Variants in WWOX observed in about 807,000 individuals in gnomAD.
WWOX encodes the protein WW domain-containing oxidoreductase.
WWOX carries 69 observed loss-of-function variants against 46.2 expected under a neutral mutation model. The observed-to-expected ratio is 1.49, with a 90% CI of 1.23 to 1.82. The LOEUF is 1.82. Ranked by LOEUF, WWOX falls within the 40% of genes most tolerant of loss-of-function variation. The pLI is 0.00. For missense variants in WWOX, 919 were observed against 542.6 expected (o/e 1.69, Z -6.89); for synonymous variants, 359 against 202.6 (o/e 1.77, Z -6.56).
intron 8 of WWOX, among the ~76,000 whole-genome samples, chr16:78,727,139 C>G (rs1488573625): frequency 1.3e-5 from 2 of 152,172 alleles, no homozygotes; most frequent in East Asian, 3.9e-4. Context: ...TGGCTCACAC[C>G]TATAATGCCA....
chr16:78,673,242 C>G (rs1437078270), intron 8 of WWOX, among the ~76,000 whole-genome samples: 1 of 152,118 alleles, frequency 6.6e-6, no homozygotes, highest in East Asian at 1.9e-4. Context: ...GTAATTTCTT[C>G]TTGGAAGTGA....
At chr16:78,751,461 T>TATATATATTTATCAGATTA (rs1555528822) in intron 8 of WWOX, among the ~76,000 whole-genome samples, 18 of 128,438 alleles carry the variant, frequency 1.4e-4, no homozygotes, top group African/African-American at 5.4e-4. Flanking sequence ...TTATCAGATT[T>TATATATATTTATCAGATTA]TATATATATA....
intron 8 of WWOX, among the ~76,000 whole-genome samples, chr16:78,519,955 A>G (rs1388490987): frequency 2.6e-5 from 4 of 152,246 alleles, no homozygotes; most frequent in Non-Finnish European, 5.9e-5. Flanking sequence ...TTCACCTAAT[A>G]AAACATGGAA....
chr16:79,028,715 C>A (rs895827869), intron 8 of WWOX, among the ~76,000 whole-genome samples: 7 of 151,962 alleles, frequency 4.6e-5, no homozygotes, highest in African/African-American at 1.7e-4. Context: ...AATAAATTTA[C>A]TCTCTAAACT....
chr16:79,027,982 C>T (rs145555431), intron 8 of WWOX, among the ~76,000 whole-genome samples: 3,873 of 151,734 alleles, frequency 0.026, 121 homozygotes, highest in South Asian at 0.053. Flanking sequence ...GACGGAGTGT[C>T]GCTCTGTCGC....
intron 5 of WWOX, among the ~76,000 whole-genome samples, chr16:78,357,643 T>G (rs529336866): frequency 6.6e-6 from 1 of 152,300 alleles, no homozygotes; most frequent in South Asian, 2.1e-4. Flanking sequence ...CTTTGTGGTG[T>G]TGGAGATAGG....
chr16:78,945,355 T>C (rs2045928928), intron 8 of WWOX, among the ~76,000 whole-genome samples: 1 of 152,194 alleles, frequency 6.6e-6, no homozygotes, highest in Non-Finnish European at 1.5e-5. Context: ...AACTTTACAA[T>C]AAGAAGGCTA....
intron 8 of WWOX, among the ~76,000 whole-genome samples, chr16:78,767,997 A>G (rs2049965987): frequency 6.6e-6 from 1 of 152,080 alleles, no homozygotes; most frequent in East Asian, 1.9e-4. Flanking sequence ...TGAGGTAAAA[A>G]GAAAACGGTA....
intron 8 of WWOX, among the ~76,000 whole-genome samples, chr16:79,151,000 G>A (rs910871601): frequency 1.3e-5 from 2 of 152,092 alleles, no homozygotes; most frequent in African/African-American, 2.4e-5. Flanking sequence ...TTTGTAGGAC[G>A]TTGCACAGGA....
At chr16:78,841,424 C>T (rs1027553062) in intron 8 of WWOX, among the ~76,000 whole-genome samples, 10 of 152,290 alleles carry the variant, frequency 6.6e-5, no homozygotes, top group Middle Eastern at 3.4e-3. Flanking sequence ...AATCTGGATT[C>T]AGTGACATCG....
At chr16:78,201,073 G>A (rs1326564699) in intron 5 of WWOX, among the ~76,000 whole-genome samples, 1 of 152,172 alleles carries the variant, frequency 6.6e-6, no homozygotes, top group Non-Finnish European at 1.5e-5. Flanking sequence ...TACTATGCTC[G>A]TATTAATCCA....
At chr16:78,863,748 T>G (rs1444392264) in intron 8 of WWOX, among the ~76,000 whole-genome samples, 1 of 152,240 alleles carries the variant, frequency 6.6e-6, no homozygotes, top group Non-Finnish European at 1.5e-5. Flanking sequence ...GGGTGGTCAC[T>G]GTACTAGTTT....
chr16:78,200,703 C>T (rs1312323903), intron 5 of WWOX, among the ~76,000 whole-genome samples: 1 of 151,468 alleles, frequency 6.6e-6, no homozygotes, highest in Admixed American at 6.6e-5. Flanking sequence ...GTGCCTTTGC[C>T]CAAGGTGAAC....
At chr16:78,214,686 T>C (rs902597825) in intron 5 of WWOX, among the ~76,000 whole-genome samples, 3 of 152,246 alleles carry the variant, frequency 2.0e-5, no homozygotes, top group African/African-American at 7.2e-5. Flanking sequence ...TTTCTTTCTT[T>C]GTAACCTTAA....
chr16:78,764,269 C>T (rs554828606), intron 8 of WWOX, among the ~76,000 whole-genome samples: 75 of 151,904 alleles, frequency 4.9e-4, no homozygotes, highest in African/African-American at 1.3e-3. Context: ...AGAATTTCTC[C>T]GTGGGGAGGA....
intron 4 of WWOX, among the ~76,000 whole-genome samples, chr16:78,160,869 G>A (rs553332121): frequency 6.6e-6 from 1 of 151,982 alleles, no homozygotes; most frequent in Non-Finnish European, 1.5e-5. Flanking sequence ...TTACTAAGAG[G>A]GATATGTTAA....
rs535425044 is a variant in WWOX, at chr16:78,357,295, A to T, written c.517-29565A>T. On this transcript the variant is annotated intron_variant, in intron 5 of 8. Coordinates refer to ENST00000566780, the MANE Select transcript of WWOX (RefSeq NM_016373.4). ...ACATGCTAGGTTCTGTTGAGACCTGACTTTGGGAATAGCATAGGTACTTAC... is the reference window on the plus strand; with the variant it reads ...ACATGCTAGGTTCTGTTGAGACCTGTCTTTGGGAATAGCATAGGTACTTAC... Among the ~76,000 whole-genome samples the T allele has an allele frequency of 2.0e-5, 3 of 152,264 alleles. 1 individual carries two copies. In the South Asian group the frequency reaches 6.2e-4, roughly 32 times the overall value.
chr16:78,101,543 A>C (rs527923350), intron 1 of WWOX, among the ~76,000 whole-genome samples: 1 of 149,006 alleles, frequency 6.7e-6, no homozygotes, highest in South Asian at 2.1e-4. Context: ...CTGGTCTCCA[A>C]CTCCTGGCCT....
At chr16:79,013,772 C>A (rs1027614087) in intron 8 of WWOX, among the ~76,000 whole-genome samples, 5 of 152,208 alleles carry the variant, frequency 3.3e-5, no homozygotes, top group Non-Finnish European at 7.3e-5. Context: ...TTTATTGTCT[C>A]ATTTCTTCTT....
Sources: gnomAD v4.1 joint callset for allele counts (sites outside exome capture counted in the v4.1 genomes callset) on GRCh38, gnomAD v4.1.1 for gene constraint, MANE v1.5 for transcripts, NCBI Gene and HGNC (gene_info 2026-07-23, HGNC 2026-07-21) for gene names.